The following JMJD1C variants were observed in gnomAD, a reference collection of about 807,000 sequenced individuals.
The protein encoded by JMJD1C is jumonji domain containing 1C.
Under a neutral mutation model 245.3 loss-of-function variants are expected in JMJD1C, and 31 were observed. The observed-to-expected ratio is 0.13, with a 90% CI of 0.09 to 0.17. The LOEUF (loss-of-function observed/expected upper bound fraction) is 0.17, where lower values mean the gene tolerates loss of function less well. JMJD1C is among the 10% of genes least tolerant of loss of function. JMJD1C has a pLI of 1.00. For missense variants in JMJD1C, 2,691 were observed against 3,000.2 expected (o/e 0.90, Z 2.41); for synonymous variants, 1,057 against 1,017.4 (o/e 1.04, Z -0.74).
rs1027295642 is a variant in JMJD1C at position 63,186,290 on chromosome 10, G to C, written c.6664C>G (p.Leu2222Val). The change falls in exon 19 of 26, where the codon CTC becomes GTC. Residue 2222 changes from leucine (L) to valine (V), a missense_variant. Transcript: ENST00000399262. ...ATGATGCTATCTTTGCAGTTCAGGA[G>C]ATCAGCTTGGTGGTCTCCAAAATCA... Reference protein sequence around the residue: ...SLDFGDHQADLLNCKDSIISN... With the variant: ...SLDFGDHQADVLNCKDSIISN... The C allele has an allele frequency of 6.2e-7, 1 of 1,613,360 alleles. No homozygotes were observed. Among genetic ancestry groups the C allele is most frequent in the Non-Finnish European group, 8.5e-7 (1 of 1,179,606 alleles).
chr10:63,330,519 C>T (rs61000028), intron 2 of JMJD1C, among the ~76,000 whole-genome samples: 5,601 of 151,966 alleles, frequency 0.037, 332 homozygotes, highest in East Asian at 0.29. Flanking sequence ...TATAAAGAGG[C>T]AATGGCAAAA....
chr10:63,456,026 T>A (rs1227931211), intron 1 of JMJD1C, among the ~76,000 whole-genome samples: 1 of 152,156 alleles, frequency 6.6e-6, no homozygotes, highest in East Asian at 1.9e-4. Context: ...TTATTTCTAT[T>A]ATATAACTAT....
intron 1 of JMJD1C, among the ~76,000 whole-genome samples, chr10:63,462,249 T>G (rs1952846249): frequency 1.3e-5 from 2 of 152,316 alleles, no homozygotes; most frequent in South Asian, 4.1e-4. Context: ...TGACAAACTA[T>G]TTGAAATTAT....
chr10:63,253,110 G>A (rs1454596481), intron 3 of JMJD1C, among the ~76,000 whole-genome samples: 1 of 152,208 alleles, frequency 6.6e-6, no homozygotes, highest in African/African-American at 2.4e-5. Flanking sequence ...TTATCTTAGA[G>A]TGAGCAATCA....
chr10:63,233,146 C>T (rs1183721516), intron 3 of JMJD1C, among the ~76,000 whole-genome samples: 2 of 152,146 alleles, frequency 1.3e-5, no homozygotes, highest in African/African-American at 4.8e-5. Context: ...CAAGCAAACA[C>T]ACTACAATTT....
chr10:63,190,500 C>G (rs761346403), intron 17 of JMJD1C, among the ~76,000 whole-genome samples: 2 of 152,160 alleles, frequency 1.3e-5, no homozygotes, highest in Non-Finnish European at 2.9e-5. Flanking sequence ...CCGCACCCGG[C>G]CCCCCATATA....
chr10:63,462,437 AAT>A lies in JMJD1C; in HGVS notation c.168+3056_168+3057del, dbSNP rs1162542587. ...TTGCTACCACGGTGTGGTAAAAAAT[AAT>A]TTAATCCCAAAGATATCCATGTCCT... On this transcript the variant is annotated intron_variant, in intron 1 of 25. Coordinates refer to ENST00000399262, the MANE Select transcript of JMJD1C (RefSeq NM_032776.3). 2.8e-4 allele frequency among the ~76,000 whole-genome samples: 42 copies of A among 152,352 alleles called. No homozygotes were observed. In the Middle Eastern group the frequency reaches 0.014, roughly 49 times the overall value.
chr10:63,259,685 T>C (rs1293894758), intron 3 of JMJD1C, among the ~76,000 whole-genome samples: 1 of 152,230 alleles, frequency 6.6e-6, no homozygotes, highest in Non-Finnish European at 1.5e-5. Context: ...CTAGACAATG[T>C]GTGAGTCTTC....
chr10:63,264,634 A>C lies in JMJD1C; in HGVS notation c.447+17T>G. 1 of 1,075,002 alleles carries C rather than the reference A, an allele frequency of 9.3e-7. No individual in the cohort carries two copies. Among genetic ancestry groups the C allele is most frequent in the Non-Finnish European group, 1.4e-6 (1 of 728,572 alleles). 66.6% of individuals were successfully genotyped at this position (1,075,002 alleles called of 1,614,324 possible). On this transcript the variant is annotated intron_variant, in intron 3 of 25. Coordinates refer to ENST00000399262, the MANE Select transcript of JMJD1C (RefSeq NM_032776.3). ...TAATTAACCTTTAATTTTAAAAAGT[A>C]ATCTAAAATTTCTTACCTGGTAGGG...
intron 3 of JMJD1C, among the ~76,000 whole-genome samples, chr10:63,264,071 AT>A (rs1855213117): frequency 1.3e-5 from 2 of 151,900 alleles, no homozygotes; most frequent in Admixed American, 1.3e-4. Context: ...CTTAAAAAAT[AT>A]TTAGCTTAAT....
At chr10:63,386,199 G>A (rs1328480181) in intron 1 of JMJD1C, among the ~76,000 whole-genome samples, 1 of 152,118 alleles carries the variant, frequency 6.6e-6, no homozygotes, top group African/African-American at 2.4e-5. Flanking sequence ...TAGCAGTGGG[G>A]TAACTAGGCA....
At chr10:63,212,221 A>G (rs144276766) in intron 8 of JMJD1C, among the ~76,000 whole-genome samples, 1,755 of 152,300 alleles carry the variant, frequency 0.012, 12 homozygotes, top group Middle Eastern at 0.041. Context: ...AAGATGAAAA[A>G]GTTCTAGAGA....
intron 1 of JMJD1C, chr10:63,427,691 T>A (rs1186788917): frequency 7.7e-7 from 1 of 1,295,412 alleles, no homozygotes; most frequent in African/African-American, 1.5e-5. Context: ...GAAGCCTGGG[T>A]CTCCTCTAGC....
At chr10:63,500,746 A>AGGATGGATGAATGGATGGATGGAT (rs796916951) in intron 1 of JMJD1C, among the ~76,000 whole-genome samples, 1 of 112,068 alleles carries the variant, frequency 8.9e-6, no homozygotes, top group Non-Finnish European at 2.1e-5. Flanking sequence ...GATGGATGGA[A>AGGATGGATGAATGGATGGATGGAT]GGATGGATGG....
chr10:63,305,459 CCTCTCTCTCTCTCTCTCTCT>C (rs371564275), intron 2 of JMJD1C, among the ~76,000 whole-genome samples: 4 of 113,086 alleles, frequency 3.5e-5, no homozygotes, highest in African/African-American at 1.4e-4. Context: ...ACGCTCTGAC[CCTCTCTCTCTCTCTCTCTCT>C]CTCTCTCTCT....
chr10:63,394,931 G>C (rs1948371291), intron 1 of JMJD1C, among the ~76,000 whole-genome samples: 1 of 150,268 alleles, frequency 6.7e-6, no homozygotes, highest in African/African-American at 2.4e-5. Flanking sequence ...ATGAAAACAA[G>C]CCACAGACTG....
chr10:63,311,255 T>G (rs1221506529), intron 2 of JMJD1C, among the ~76,000 whole-genome samples: 1 of 150,528 alleles, frequency 6.6e-6, no homozygotes, highest in East Asian at 1.9e-4. Context: ...GATGGGCAGC[T>G]GTAATCCCAG....
intron 1 of JMJD1C, among the ~76,000 whole-genome samples, chr10:63,492,010 A>G (rs938909067): frequency 6.6e-6 from 1 of 152,240 alleles, no homozygotes; most frequent in Non-Finnish European, 1.5e-5. Context: ...TTTCCTTTAA[A>G]CAACATATAG....
intron 2 of JMJD1C, among the ~76,000 whole-genome samples, chr10:63,356,728 C>T (rs913296583): frequency 1.3e-5 from 2 of 152,072 alleles, no homozygotes; most frequent in African/African-American, 4.8e-5. Context: ...CAAAGTGAGG[C>T]AGGGAGTAGG....
Sources: allele counts gnomAD v4.1 joint callset (sites outside exome capture counted in the v4.1 genomes callset), GRCh38; gene constraint gnomAD v4.1.1; transcripts MANE v1.5; gene names NCBI Gene and HGNC (gene_info 2026-07-23, HGNC 2026-07-21).